The following PRKCE variants were observed in gnomAD, a reference collection of about 807,000 sequenced individuals.
PRKCE encodes the protein protein kinase C epsilon type.
In PRKCE, 16 loss-of-function variants were observed where a neutral mutation model predicts 85.4. The observed-to-expected ratio is 0.19, with a 90% confidence interval of 0.13 to 0.28. PRKCE has a LOEUF of 0.28. Among genes scored for constraint, PRKCE ranks in the 10% least tolerant of loss-of-function variants. The pLI, the probability that PRKCE is intolerant of heterozygous loss-of-function variation, is 1.00. For synonymous variants in PRKCE, 388 were observed against 371.5 expected (o/e 1.04, Z -0.51); for missense variants, 573 against 975.2 (o/e 0.59, Z 5.49).
At chr2:45,825,314 C>T (rs777312069) in intron 1 of PRKCE, among the ~76,000 whole-genome samples, 1 of 152,224 alleles carries the variant, frequency 6.6e-6, no homozygotes, top group Non-Finnish European at 1.5e-5. Flanking sequence ...AGGCCTGGGA[C>T]TTGGGGGGGC....
At chr2:45,703,027 C>CCA (rs1553382516) in intron 1 of PRKCE, among the ~76,000 whole-genome samples, 3 of 151,688 alleles carry the variant, frequency 2.0e-5, no homozygotes, top group African/African-American at 4.8e-5. Flanking sequence ...TTTTTCCCCC[C>CCA]CCGTCAGGAA....
At chr2:45,848,934 GCAGGGAAGAAGTGGAGAGAC>G (rs1407437879) in intron 2 of PRKCE, among the ~76,000 whole-genome samples, 1 of 152,172 alleles carries the variant, frequency 6.6e-6, no homozygotes, top group African/African-American at 2.4e-5. Context: ...GGCTGGATTG[GCAGGGAAGAAGTGGAGAGAC>G]CATTGTGAGT....
Position 46,041,084 on chromosome 2 carries a change from G to C in PRKCE, c.1437+30567G>C, listed in dbSNP as rs932012357. Among the ~76,000 whole-genome samples the C allele has an allele frequency of 2.0e-5, 3 of 152,146 alleles. No individual in the cohort carries two copies. Among genetic ancestry groups the C allele is most frequent in the Admixed American group, 6.5e-5 (1 of 15,284 alleles). On this transcript the variant is annotated intron_variant, in intron 10 of 14. Coordinates refer to ENST00000306156, the MANE Select transcript of PRKCE (RefSeq NM_005400.3). The surrounding 1 kb of genome is among the most constrained non-coding windows in gnomAD (Gnocchi z 5.5). ...AATCATTTCTATCTGTGAGTAGGTG[G>C]CACGAGGTATTCATTTCATAAGTAG...
At chr2:46,154,072 T>A (rs1032011373) in intron 13 of PRKCE, among the ~76,000 whole-genome samples, 3 of 152,114 alleles carry the variant, frequency 2.0e-5, no homozygotes, top group South Asian at 2.1e-4. Flanking sequence ...GGCGTGAGCC[T>A]CCACGCCCGG....
chr2:45,970,261 G>T (rs1218900730), intron 2 of PRKCE, among the ~76,000 whole-genome samples: 1 of 152,148 alleles, frequency 6.6e-6, no homozygotes, highest in Non-Finnish European at 1.5e-5. Flanking sequence ...GTATTAAATG[G>T]TATGTCAGTG....
At chr2:45,978,953 A>C (rs372035925) in intron 3 of PRKCE, 23 bp from the exon 4 acceptor site, 85 of 1,596,792 alleles carry the variant, frequency 5.3e-5, no homozygotes, top group Non-Finnish European at 2.5e-6. Context: ...CTTTTTTTAA[A>C]AAAATGTTAT....
intron 1 of PRKCE, among the ~76,000 whole-genome samples, chr2:45,807,104 T>G (rs574847782): frequency 6.6e-6 from 1 of 152,230 alleles, no homozygotes; most frequent in Non-Finnish European, 1.5e-5. Flanking sequence ...TGTTGAATAC[T>G]GGCTCTGCCT....
Position 45,658,837 on chromosome 2 carries a change from T to A in PRKCE, c.348+6389T>A, listed in dbSNP as rs146265603. 2.6e-5 allele frequency among the ~76,000 whole-genome samples: 4 copies of A among 152,360 alleles called. 1 individual carries two copies. The East Asian group carries it at 7.7e-4, about 29-fold the overall frequency. ...AAGTCTTACATACTCTAAAAATAAA[T>A]TTGACTTAGTTATACTTAACAAATT... is the stretch of plus-strand genomic sequence containing the variant. On this transcript the variant is annotated intron_variant, in intron 1 of 14. Coordinates refer to ENST00000306156, the MANE Select transcript of PRKCE (RefSeq NM_005400.3).
Position 45,910,050 on chromosome 2 carries a change from C to T in PRKCE, c.413-66379C>T, listed in dbSNP as rs190677384. ...CTTTCCAGTAAACTCACCGCCCCCC[C>T]CCAGCCAAGTGCCCAGGAATGTGTG... On this transcript the variant is annotated intron_variant, in intron 2 of 14. Transcript: ENST00000306156. Among the ~76,000 whole-genome samples, 8 of 152,054 alleles carry T rather than the reference C, an allele frequency of 5.3e-5. No homozygotes were observed. In the East Asian group the frequency reaches 1.2e-3, roughly 22 times the overall value.
intron 13 of PRKCE, among the ~76,000 whole-genome samples, chr2:46,158,349 G>A (rs932867227): frequency 4.6e-5 from 7 of 152,144 alleles, no homozygotes; most frequent in Admixed American, 3.9e-4. Flanking sequence ...CAGGGTTCAG[G>A]CTGAGGAGCT....
chr2:45,762,387 C>A (rs895447679), intron 1 of PRKCE, among the ~76,000 whole-genome samples: 1 of 152,242 alleles, frequency 6.6e-6, no homozygotes, highest in African/African-American at 2.4e-5. Flanking sequence ...GATCAGTCTT[C>A]TCTTTTGCTC....
rs747140670 is a variant in PRKCE at position 45,832,553 on chromosome 2, C to T, written c.349-10447C>T. On this transcript the variant is annotated intron_variant, in intron 1 of 14. Transcript: ENST00000306156. ...GTCTTGAACTCCTGACCTCGTGATC[C>T]GCCCACCTCAGCCTCCCAAAGTGCT... 9.9e-5 allele frequency among the ~76,000 whole-genome samples: 15 copies of T among 152,182 alleles called. No homozygotes were observed. The South Asian group carries it at 1.2e-3, about 13-fold the overall frequency.
chr2:45,677,437 A>G (rs1024437641), intron 1 of PRKCE, among the ~76,000 whole-genome samples: 3 of 150,386 alleles, frequency 2.0e-5, no homozygotes, highest in African/African-American at 4.9e-5. Flanking sequence ...GCTCACTGCA[A>G]GCTCCGCTTC....
At chr2:45,859,376 T>A (rs1692961880) in intron 2 of PRKCE, among the ~76,000 whole-genome samples, 1 of 152,232 alleles carries the variant, frequency 6.6e-6, no homozygotes, top group Admixed American at 6.5e-5. Flanking sequence ...ACGTGCACAT[T>A]CGGCTTTGCT....
chr2:45,927,358 A>G (rs1698712232), intron 2 of PRKCE, among the ~76,000 whole-genome samples: 2 of 152,218 alleles, frequency 1.3e-5, no homozygotes, highest in Non-Finnish European at 2.9e-5. Context: ...GCTCTGTGCT[A>G]AGCACTTTTA....
At chr2:46,172,061 G>T (rs924586485) in intron 14 of PRKCE, among the ~76,000 whole-genome samples, 1 of 152,258 alleles carries the variant, frequency 6.6e-6, no homozygotes, top group African/African-American at 2.4e-5. Context: ...GAGCTCACGT[G>T]CAGCATCCTC....
intron 1 of PRKCE, among the ~76,000 whole-genome samples, chr2:45,782,968 T>C (rs903384557): frequency 6.6e-6 from 1 of 152,198 alleles, no homozygotes; most frequent in African/African-American, 2.4e-5. Context: ...CTCTATATTA[T>C]TTCATTACTT....
chr2:45,671,244 G>T (rs759299122), intron 1 of PRKCE, among the ~76,000 whole-genome samples: 14 of 152,192 alleles, frequency 9.2e-5, no homozygotes, highest in Non-Finnish European at 1.8e-4. Context: ...TTCAAAGCGG[G>T]AATTAAGATA....
chr2:46,030,899 G>C (rs560253775), intron 10 of PRKCE, among the ~76,000 whole-genome samples: 1 of 152,122 alleles, frequency 6.6e-6, no homozygotes, highest in South Asian at 2.1e-4. Flanking sequence ...TTTTCGTTAC[G>C]TGTTTCCTTT....
Sources: gnomAD v4.1 joint callset for allele counts (sites outside exome capture counted in the v4.1 genomes callset) on GRCh38, gnomAD v4.1.1 for gene constraint, Gnocchi (gnomAD v3.1) non-coding constraint, MANE v1.5 for transcripts, NCBI Gene and HGNC (gene_info 2026-07-23, HGNC 2026-07-21) for gene names.